The following ACCS variants were observed in gnomAD, a reference collection of about 807,000 sequenced individuals.
ACCS encodes the protein 1-aminocyclopropane-1-carboxylate synthase-like protein 1.
ACCS carries 42 observed loss-of-function variants against 59.8 expected under a neutral mutation model. The ratio of observed to expected loss-of-function variants is 0.70; its 90% CI spans 0.55 to 0.91. ACCS has a LOEUF of 0.91. Among genes scored for constraint, ACCS ranks in the 40% least tolerant of loss-of-function variants. The pLI is 0.00. For missense variants in ACCS, 602 were observed against 630.4 expected (o/e 0.95, Z 0.48); for synonymous variants, 230 against 240.3 (o/e 0.96, Z 0.40).
chr11:44,080,839 G>A (rs1049957100), intron 10 of ACCS, 181 bp from the exon 11 acceptor site: 10 of 687,904 alleles, frequency 1.5e-5, no homozygotes, highest in Non-Finnish European at 1.9e-5. Context: ...CCCGCGGGCT[G>A]TCATTTGCTA....
chr11:44,072,175 T>TATTTATTTATTTATTTATTG (rs1405694493), intron 3 of ACCS: 1 of 152,032 alleles, frequency 6.6e-6, no homozygotes, highest in Admixed American at 6.6e-5. Context: ...TTTATTTATT[T>TATTTATTTATTTATTTATTG]AAGATGGAGT....
intron 2 of ACCS, among the ~76,000 whole-genome samples, chr11:44,068,944 G>A (rs1157661078): frequency 1.3e-5 from 2 of 152,178 alleles, no homozygotes; most frequent in African/African-American, 2.4e-5. Flanking sequence ...TATACTATAT[G>A]GTGGTGAGTA....
At chr11:44,077,042 G>T (rs555364014) in intron 6 of ACCS, among the ~76,000 whole-genome samples, 1 of 152,300 alleles carries the variant, frequency 6.6e-6, no homozygotes, top group East Asian at 1.9e-4. Flanking sequence ...TGACGCAGGG[G>T]AATTATGGGA....
At position 44,081,271 on chromosome 11, in the gene ACCS, C is replaced by A; in HGVS notation, c.1062C>A (p.Gly354=). The change falls in exon 12 of 15, where the codon GGC becomes GGA. Residue 354 remains glycine (G), a synonymous_variant. Transcript: ENST00000263776. The part of the protein sequence containing the change: ...TAVASLCRYH[G]LSGLVQYQMA... ...TGGCTTCCCTCTGCCGCTACCACGGCCTCAGTGGCTTGGTCCAGTACCAGA... is the reference window on the plus strand; with the variant it reads ...TGGCTTCCCTCTGCCGCTACCACGGACTCAGTGGCTTGGTCCAGTACCAGA... The A allele has an allele frequency of 6.2e-7, 1 of 1,614,262 alleles. No homozygotes were observed. The highest frequency in any genetic ancestry group is 1.1e-5 in the South Asian group (1 of 91,092).
Position 44,073,483 on chromosome 11 carries a change from C to T in ACCS, c.385C>T (p.Leu129=), listed in dbSNP as rs1459985747. The stretch of plus-strand genomic sequence containing the variant: ...CGACATGCAGAGGGTGGAGCCATCC[C>T]TGCTGCAGTATGCTGACTGGAGGGG... ...QRDMQRVEPS[L]LQYADWRGHL... is the part of the protein sequence containing the mutation. Residue 129 remains leucine (L), a synonymous_variant, in exon 4 of 15, where the codon CTG becomes TTG. Transcript: ENST00000263776. 6.2e-7 allele frequency: 1 copy of T among 1,609,312 alleles called. No individual in the cohort carries two copies. Among genetic ancestry groups the T allele is most frequent in the Non-Finnish European group, 8.5e-7 (1 of 1,178,094 alleles).
rs756573095 is a variant in ACCS at position 44,083,215 on chromosome 11, G to A, written c.1158G>A (p.Lys386=). 1 of 1,614,168 alleles carries A rather than the reference G, an allele frequency of 6.2e-7. No homozygotes were observed. Among genetic ancestry groups the A allele is most frequent in the Non-Finnish European group, 8.5e-7 (1 of 1,180,022 alleles). The part of the protein sequence containing the change: ...VYLPENHARL[K]AAHTYVSEEL... ...TGCCGGAAAACCATGCCCGGCTCAA[G>A]GCTGCCCACACCTATGTCTCAGAAG... Residue 386 remains lysine (K), a synonymous_variant, in exon 13 of 15, where the codon AAG becomes AAA. Coordinates refer to ENST00000263776, the MANE Select transcript of ACCS (RefSeq NM_032592.4).
chr11:44,071,209 G>A (rs1352633239), intron 2 of ACCS, 47 bp from the exon 3 acceptor site: 2 of 1,608,748 alleles, frequency 1.2e-6, no homozygotes, highest in East Asian at 2.2e-5. Context: ...CCTTTCACTG[G>A]CACCCCCCTG....
intron 2 of ACCS, among the ~76,000 whole-genome samples, chr11:44,069,246 G>A (rs1049340064): frequency 1.3e-5 from 2 of 150,256 alleles, no homozygotes; most frequent in African/African-American, 4.9e-5. Flanking sequence ...TTTTTGTGAC[G>A]GAGTCTCGCT....
At chr11:44,069,052 A>G (rs1304872087) in intron 2 of ACCS, among the ~76,000 whole-genome samples, 1 of 152,340 alleles carries the variant, frequency 6.6e-6, no homozygotes, top group East Asian at 1.9e-4. Context: ...AGGCTATTTT[A>G]ATAAGATGAA....
chr11:44,078,372 T>G, intron 8 of ACCS: 1 of 307,718 alleles, frequency 3.2e-6, no homozygotes, highest in Non-Finnish European at 5.9e-6. Flanking sequence ...TACTTAATTT[T>G]TTTTTACTTC....
intron 12 of ACCS, 112 bp from the exon 13 acceptor site, chr11:44,083,057 A>C: frequency 7.2e-7 from 1 of 1,393,222 alleles, no homozygotes; most frequent in African/African-American, 1.4e-5. Flanking sequence ...TAGAGGAGGG[A>C]CTCAACAGCA....
rs1198983572 is a variant in ACCS at position 44,067,919 on chromosome 11, A to G, written c.288+4A>G. 1 of 1,589,466 alleles carries G rather than the reference A, an allele frequency of 6.3e-7. No homozygotes were observed. The highest frequency in any genetic ancestry group is 8.6e-7 in the Non-Finnish European group (1 of 1,168,104). ...TGATGAGGACAAGAACCCCAGTGTG[A>G]GTGAAGCTCCCCTCCCACTGGGACC... On this transcript the variant is annotated splice_donor_region_variant and intron_variant, in intron 2 of 14. Coordinates refer to ENST00000263776, the MANE Select transcript of ACCS (RefSeq NM_032592.4).
At chr11:44,077,964 T>C (rs1274470263) in intron 8 of ACCS, 42 bp downstream of exon 8, 1 of 1,603,630 alleles carries the variant, frequency 6.2e-7, no homozygotes, top group Non-Finnish European at 8.5e-7. Flanking sequence ...TGTGGGTGGG[T>C]CTGAGCAGGG....
chr11:44,081,100 G>T (rs746409568), intron 11 of ACCS, 35 bp downstream of exon 11: 3 of 1,614,206 alleles, frequency 1.9e-6, no homozygotes, highest in Admixed American at 3.3e-5. Context: ...GTGTCAGAAG[G>T]GTGGGAGGGC....
At chr11:44,076,625 G>A (rs902557655) in intron 6 of ACCS, among the ~76,000 whole-genome samples, 1 of 152,194 alleles carries the variant, frequency 6.6e-6, no homozygotes, top group African/African-American at 2.4e-5. Flanking sequence ...TACCTCCTTC[G>A]GAGACTAATT....
At chr11:44,078,916 G>A (rs1160568001) in intron 9 of ACCS, 132 bp downstream of exon 9, 9 of 683,784 alleles carry the variant, frequency 1.3e-5, no homozygotes, top group Non-Finnish European at 2.3e-5. Context: ...CCTTGGCAGT[G>A]GAGCGGGGAA....
intron 12 of ACCS, 98 bp downstream of exon 12, chr11:44,081,418 T>C: frequency 6.6e-7 from 1 of 1,522,268 alleles, no homozygotes; most frequent in Non-Finnish European, 8.8e-7. Context: ...GAGAATAATT[T>C]AGGGTAATGT....
chr11:44,070,106 A>T (rs554227280), intron 2 of ACCS, among the ~76,000 whole-genome samples: 1 of 152,112 alleles, frequency 6.6e-6, no homozygotes, highest in Non-Finnish European at 1.5e-5. Context: ...CAGAAAGAGG[A>T]TGGGGTGGTG....
At chr11:44,078,459 G>T (rs900070332) in intron 8 of ACCS, 2 of 469,070 alleles carry the variant, frequency 4.3e-6, no homozygotes, top group African/African-American at 1.9e-5. Flanking sequence ...ACCAACAAAG[G>T]TAACCTACTG....
Sources: allele counts gnomAD v4.1 joint callset (sites outside exome capture counted in the v4.1 genomes callset), GRCh38; gene constraint gnomAD v4.1.1; transcripts MANE v1.5; gene names NCBI Gene and HGNC (gene_info 2026-07-23, HGNC 2026-07-21).